The following UTP14A variants were observed in gnomAD, a reference collection of about 807,000 sequenced individuals.
UTP14A encodes UTP14A small subunit processome component.
In UTP14A, 5 loss-of-function variants were observed where a neutral mutation model predicts 57.2. The observed-to-expected ratio is 0.09, with a 90% confidence interval of 0.05 to 0.18. The LOEUF is 0.18. UTP14A is among the 10% of genes least tolerant of loss of function. The probability of loss-of-function intolerance (pLI) is 1.00; values close to 1 mark genes in which losing one functional copy is unlikely to be tolerated. For missense variants in UTP14A, 430 were observed against 562.1 expected (o/e 0.76, Z 2.38); for synonymous variants, 169 against 210.9 (o/e 0.80, Z 1.72).
At chrX:129,908,834 A>T in intron 4 of UTP14A, 100 bp downstream of exon 4, 2 of 769,855 alleles carry the variant, frequency 2.6e-6, no homozygotes, top group Non-Finnish European at 4.0e-6. Flanking sequence ...TGATGTGGTT[A>T]ATGACTCATA....
intron 6 of UTP14A, 43 bp from the exon 7 acceptor site, chrX:129,919,132 A>G: frequency 1.7e-6 from 2 of 1,210,985 alleles, no homozygotes; most frequent in Non-Finnish European, 2.2e-6. Flanking sequence ...GAAAGCTGTA[A>G]GAGCATGGCT....
At chrX:129,912,674 TATA>T (rs1929526477) in intron 6 of UTP14A, among the ~76,000 whole-genome samples, 1 of 110,975 alleles carries the variant, frequency 9.0e-6, no homozygotes, top group Non-Finnish European at 1.9e-5. Flanking sequence ...CGCATTAAAA[TATA>T]ATGTGTTGCT....
At chrX:129,918,583 A>G (rs1929782076) in intron 6 of UTP14A, among the ~76,000 whole-genome samples, 1 of 111,240 alleles carries the variant, frequency 9.0e-6, no homozygotes, top group African/African-American at 3.3e-5. Context: ...AGTTTAACAT[A>G]TATTGGTAAT....
intron 1 of UTP14A, among the ~76,000 whole-genome samples, chrX:129,906,975 G>A (rs1203871192): frequency 2.7e-5 from 3 of 110,916 alleles, no homozygotes; most frequent in Non-Finnish European, 5.7e-5. Context: ...TAGCAACAGC[G>A]TCTTTGGCCA....
intron 4 of UTP14A, 45 bp from the exon 5 acceptor site, chrX:129,910,963 T>C: frequency 8.3e-7 from 1 of 1,199,347 alleles, no homozygotes; most frequent in South Asian, 1.8e-5. Flanking sequence ...TATTGAGATC[T>C]TGTCTCACTT....
At chrX:129,907,535 G>C in intron 2 of UTP14A, 93 bp downstream of exon 2, 1 of 777,619 alleles carries the variant, frequency 1.3e-6, no homozygotes, top group African/African-American at 2.1e-5. Context: ...TATTTGTTCA[G>C]GTCTCTCAAA....
chrX:129,918,401 A>C (rs1158954336), intron 6 of UTP14A, among the ~76,000 whole-genome samples: 13 of 107,594 alleles, frequency 1.2e-4, no homozygotes, highest in Admixed American at 6.0e-4. Flanking sequence ...GAAAACAAAA[A>C]AAAAAAAAAA....
At chrX:129,910,904 C>T in intron 4 of UTP14A, 104 bp from the exon 5 acceptor site, 1 of 1,008,778 alleles carries the variant, frequency 9.9e-7, no homozygotes, top group Non-Finnish European at 1.3e-6. Flanking sequence ...TGCTTCTCTG[C>T]ACATTTGCCA....
At chrX:129,919,134 A>AGCAT (rs1461734237) in intron 6 of UTP14A, 41 bp from the exon 7 acceptor site, 49 of 1,211,166 alleles carry the variant, frequency 4.0e-5, no homozygotes, top group Non-Finnish European at 5.4e-5. Context: ...AAGCTGTAAG[A>AGCAT]GCATGGCTTA....
intron 11 of UTP14A, 148 bp downstream of exon 11, chrX:129,921,735 G>A: frequency 1.7e-6 from 1 of 577,843 alleles, no homozygotes; most frequent in Non-Finnish European, 2.6e-6. Context: ...TCCCTGAAGA[G>A]AAATTAGATT....
intron 4 of UTP14A, among the ~76,000 whole-genome samples, chrX:129,909,089 A>ATATTC (rs1929361907): frequency 8.9e-6 from 1 of 111,781 alleles, no homozygotes; most frequent in Non-Finnish European, 1.9e-5. Context: ...AGACAGGCAA[A>ATATTC]TATTCTCTTC....
intron 3 of UTP14A, chrX:129,908,350 G>A (rs1929332494): frequency 1.2e-5 from 5 of 418,346 alleles, no homozygotes; most frequent in Non-Finnish European, 2.1e-5. Context: ...CATTGAGTAG[G>A]CATTATTTAA....
intron 6 of UTP14A, 105 bp from the exon 7 acceptor site, chrX:129,919,070 A>G: frequency 5.3e-6 from 6 of 1,139,211 alleles, no homozygotes; most frequent in Non-Finnish European, 6.0e-6. Flanking sequence ...CTATCCACTT[A>G]TGATTCCAAT....
chrX:129,918,434 C>G (rs2124206502), intron 6 of UTP14A, among the ~76,000 whole-genome samples: 1 of 107,753 alleles, frequency 9.3e-6, no homozygotes, highest in Non-Finnish European at 1.9e-5. Context: ...CCCCTTCCCT[C>G]TAGAAATATT....
intron 14 of UTP14A, 91 bp from the exon 15 acceptor site, chrX:129,929,245 T>C (rs1429405608): frequency 9.2e-7 from 1 of 1,088,542 alleles, no homozygotes; most frequent in African/African-American, 1.9e-5. Flanking sequence ...CCGTGGCCTG[T>C]ACCAAAACAG....
chrX:129,911,260 T>C, intron 5 of UTP14A, 110 bp downstream of exon 5: 1 of 977,479 alleles, frequency 1.0e-6, no homozygotes, highest in Non-Finnish European at 1.4e-6. Context: ...GGGGGAGTTG[T>C]GATTTCCCCA....
rs778995585 is a variant in UTP14A, at chrX:129,923,329, G to A, written c.1349-1466G>A. On this transcript the variant is annotated intron_variant, in intron 11 of 14. Transcript: ENST00000394422. Reference sequence around the variant, plus strand: ...AGGTCTCTGTCATACAGGCTGGAGTGCAGTGGTGCAACCTCGGCTCACTGC... The same window carrying A: ...AGGTCTCTGTCATACAGGCTGGAGTACAGTGGTGCAACCTCGGCTCACTGC... Among the ~76,000 whole-genome samples the A allele has an allele frequency of 4.4e-5, 5 of 112,450 alleles. No homozygotes were observed. In the South Asian group the frequency reaches 1.8e-3, roughly 41 times the overall value.
At chrX:129,911,398 C>G (rs1929462060) in intron 5 of UTP14A, among the ~76,000 whole-genome samples, 1 of 110,528 alleles carries the variant, frequency 9.0e-6, no homozygotes, top group African/African-American at 3.3e-5. Context: ...GCCTGTCCAA[C>G]ATGGTGAAAC....
chrX:129,921,593 C>A lies in UTP14A; in HGVS notation c.1348+6C>A. 1 of 1,203,905 alleles carries A rather than the reference C, an allele frequency of 8.3e-7. No homozygotes were observed. Among genetic ancestry groups the A allele is most frequent in the Non-Finnish European group, 1.1e-6 (1 of 892,380 alleles). ...AGGCAGTCAAGAAACAAAAGGTGAG[C>A]TGTGATCAAATGGAAGAGGGAAATT... is the stretch of plus-strand genomic sequence containing the variant. On this transcript the variant is annotated splice_donor_region_variant and intron_variant, in intron 11 of 14. Transcript: ENST00000394422.
Sources: gnomAD v4.1 joint callset for allele counts (sites outside exome capture counted in the v4.1 genomes callset) on GRCh38, gnomAD v4.1.1 for gene constraint, MANE v1.5 for transcripts, NCBI Gene and HGNC (gene_info 2026-07-23, HGNC 2026-07-21) for gene names.